ULK4: variants seen among roughly 807,000 people sequenced by gnomAD.
ULK4 encodes the protein unc-51 like kinase 4, also known as inactive serine/threonine-protein kinase ULK4.
A neutral mutation model predicts 160.6 loss-of-function variants in ULK4; 133 were observed. The observed-to-expected ratio is 0.83, with a 90% confidence interval of 0.72 to 0.96. The LOEUF is 0.96. Ranked by LOEUF, ULK4 falls within the 40% of genes least tolerant of loss-of-function variation. The probability of loss-of-function intolerance (pLI) is 0.00; values close to 1 mark genes in which losing one functional copy is unlikely to be tolerated. For synonymous variants in ULK4, 534 were observed against 539.8 expected (o/e 0.99, Z 0.15); for missense variants, 1,580 against 1,499.5 (o/e 1.05, Z -0.89).
intron 32 of ULK4, among the ~76,000 whole-genome samples, chr3:41,535,452 C>A (rs1464196211): frequency 6.6e-6 from 1 of 152,192 alleles, no homozygotes; most frequent in Non-Finnish European, 1.5e-5. Flanking sequence ...ATCATTTCTA[C>A]TCCTTTATGT....
At chr3:41,345,275 T>C (rs985251951) in intron 35 of ULK4, among the ~76,000 whole-genome samples, 3 of 152,214 alleles carry the variant, frequency 2.0e-5, no homozygotes, top group African/African-American at 7.2e-5. Context: ...CATTACTGGA[T>C]ATATACCCAA....
rs1042855023 is a variant in ULK4, at chr3:41,826,311, T to C, written c.1765-6805A>G. Reference sequence around the variant, plus strand: ...AGGATCAAATTCACACATAACAATATTAACCTTAAATGTAAATGGGCTAAA... The same window carrying C: ...AGGATCAAATTCACACATAACAATACTAACCTTAAATGTAAATGGGCTAAA... On this transcript the variant is annotated intron_variant, in intron 18 of 36. Coordinates refer to ENST00000301831, the MANE Select transcript of ULK4 (RefSeq NM_017886.4). 3.0e-4 allele frequency among the ~76,000 whole-genome samples: 45 copies of C among 152,128 alleles called. No homozygotes were observed. The South Asian group carries it at 5.0e-3, about 17-fold the overall frequency.
chr3:41,669,832 T>C (rs1243721605), intron 29 of ULK4, among the ~76,000 whole-genome samples: 1 of 152,120 alleles, frequency 6.6e-6, no homozygotes. Flanking sequence ...ACATAGATAA[T>C]AACATAGACA....
intron 18 of ULK4, among the ~76,000 whole-genome samples, chr3:41,819,830 T>A (rs1193501622): frequency 6.6e-6 from 1 of 152,190 alleles, no homozygotes; most frequent in African/African-American, 2.4e-5. Flanking sequence ...TAATTGTAGA[T>A]GATAATACAG....
intron 7 of ULK4, among the ~76,000 whole-genome samples, chr3:41,916,766 G>A (rs1393708295): frequency 6.9e-6 from 1 of 144,330 alleles, no homozygotes; most frequent in Non-Finnish European, 1.5e-5. Context: ...GGAGTGCAAT[G>A]GAGCGATCTC....
At chr3:41,660,668 T>C (rs1055113426) in intron 30 of ULK4, among the ~76,000 whole-genome samples, 2 of 152,192 alleles carry the variant, frequency 1.3e-5, no homozygotes, top group Non-Finnish European at 2.9e-5. Flanking sequence ...GGACAATAAT[T>C]GGTCTTTAAT....
chr3:41,397,136 C>A (rs1032417728), intron 35 of ULK4, among the ~76,000 whole-genome samples: 1 of 152,056 alleles, frequency 6.6e-6, no homozygotes, highest in South Asian at 2.1e-4. Flanking sequence ...GTGAACAGAA[C>A]CCCCATCCTT....
At chr3:41,320,257 C>T (rs538023521) in intron 35 of ULK4, among the ~76,000 whole-genome samples, 10 of 152,282 alleles carry the variant, frequency 6.6e-5, no homozygotes, top group Admixed American at 1.3e-4. Context: ...GGGCACTCAA[C>T]AAAGGGTAGC....
chr3:41,804,791 G>T (rs1334012366), intron 19 of ULK4, among the ~76,000 whole-genome samples: 1 of 152,128 alleles, frequency 6.6e-6, no homozygotes, highest in African/African-American at 2.4e-5. Context: ...TCAGATCGTT[G>T]TAGATATGTG....
chr3:41,475,533 C>G (rs2084114799), intron 32 of ULK4, among the ~76,000 whole-genome samples: 1 of 152,102 alleles, frequency 6.6e-6, no homozygotes, highest in Non-Finnish European at 1.5e-5. Flanking sequence ...AACATTTTAA[C>G]TGCTTGATTT....
chr3:41,849,351 G>A (rs1024572527), intron 17 of ULK4, among the ~76,000 whole-genome samples: 3 of 152,160 alleles, frequency 2.0e-5, no homozygotes, highest in African/African-American at 4.8e-5. Flanking sequence ...CAACATTTAC[G>A]TCATGAATCT....
At chr3:41,673,800 T>C (rs190990387) in intron 29 of ULK4, among the ~76,000 whole-genome samples, 11 of 152,196 alleles carry the variant, frequency 7.2e-5, no homozygotes, top group African/African-American at 2.6e-4. Flanking sequence ...ACTTAAGCCT[T>C]CTCTGTTCCC....
chr3:41,843,860 T>C (rs2041998949), intron 17 of ULK4, among the ~76,000 whole-genome samples: 1 of 152,134 alleles, frequency 6.6e-6, no homozygotes, highest in African/African-American at 2.4e-5. Flanking sequence ...GGGCACTGAC[T>C]GGTGCGTTTA....
At chr3:41,522,878 A>G (rs531340189) in intron 32 of ULK4, among the ~76,000 whole-genome samples, 1 of 152,262 alleles carries the variant, frequency 6.6e-6, no homozygotes, top group African/African-American at 2.4e-5. Context: ...GAACTGGTGA[A>G]AAAACAGTCA....
At chr3:41,552,850 A>C (rs2087125508) in intron 32 of ULK4, among the ~76,000 whole-genome samples, 1 of 152,094 alleles carries the variant, frequency 6.6e-6, no homozygotes, top group African/African-American at 2.4e-5. Flanking sequence ...CTGACTTCAA[A>C]ACACATTACA....
At chr3:41,641,260 T>C (rs1013189839) in intron 30 of ULK4, among the ~76,000 whole-genome samples, 2 of 152,212 alleles carry the variant, frequency 1.3e-5, no homozygotes, top group African/African-American at 4.8e-5. Context: ...TCAATTATGA[T>C]ATACAACATC....
chr3:41,532,299 TTCACTG>T (rs1199181116), intron 32 of ULK4, among the ~76,000 whole-genome samples: 1 of 152,178 alleles, frequency 6.6e-6, no homozygotes, highest in Non-Finnish European at 1.5e-5. Context: ...GGCTTGCTGC[TTCACTG>T]TCTCAAGCTT....
chr3:41,306,162 C>A (rs1433305478), intron 35 of ULK4, among the ~76,000 whole-genome samples: 1 of 108,558 alleles, frequency 9.2e-6, no homozygotes, highest in Non-Finnish European at 1.8e-5. Flanking sequence ...CCAGGCCAGC[C>A]GCCCCATCCG....
Position 41,916,712 on chromosome 3 carries a change from T to TC in ULK4, c.728-661_728-660insG, listed in dbSNP as rs1250028775. On this transcript the variant is annotated intron_variant, in intron 7 of 36. Coordinates refer to ENST00000301831, the MANE Select transcript of ULK4 (RefSeq NM_017886.4). ...TATGCTCAGCTCCAACTATTTTTTT[T>TC]TTTTTTTTTTTGGAGAATGAGTTTC... is the stretch of plus-strand genomic sequence containing the variant. 1.4e-4 allele frequency among the ~76,000 whole-genome samples: 21 copies of TC among 151,014 alleles called. No homozygotes were observed. The East Asian group carries it at 4.1e-3, about 29-fold the overall frequency.
Sources: gnomAD v4.1 joint callset for allele counts (sites outside exome capture counted in the v4.1 genomes callset) on GRCh38, gnomAD v4.1.1 for gene constraint, MANE v1.5 for transcripts, NCBI Gene and HGNC (gene_info 2026-07-23, HGNC 2026-07-21) for gene names.